The following NPEPL1 variants were observed in gnomAD, a reference collection of about 807,000 sequenced individuals.
NPEPL1 encodes the protein aminopeptidase like 1.
NPEPL1 carries 45 observed loss-of-function variants against 52.4 expected under a neutral mutation model. The ratio of observed to expected loss-of-function variants is 0.86; its 90% CI spans 0.68 to 1.10. The LOEUF (loss-of-function observed/expected upper bound fraction) is 1.10, where lower values mean the gene tolerates loss of function less well. Among genes scored for constraint, NPEPL1 ranks in the 50% least tolerant of loss-of-function variants. The pLI is 0.00. For synonymous variants in NPEPL1, 360 were observed against 314.7 expected, an observed-to-expected ratio of 1.14 and a Z score of -1.52; for missense variants, 696 against 710.9, an observed-to-expected ratio of 0.98 and a Z score of 0.24.
intron 7 of NPEPL1, among the ~76,000 whole-genome samples, chr20:58,709,239 C>T (rs554627097): frequency 5.3e-5 from 8 of 152,024 alleles, no homozygotes; most frequent in South Asian, 4.2e-4. Flanking sequence ...ACTGTGAACG[C>T]GAATGTCCTG....
chr20:58,690,375 T>G (rs1472624593), upstream of NPEPL1, among the ~76,000 whole-genome samples: 1 of 152,268 alleles, frequency 6.6e-6, no homozygotes, highest in African/African-American at 2.4e-5. Context: ...GAATTTTTCA[T>G]TGACAGTGAA....
chr20:58,707,052 TG>T (rs2084749194), intron 6 of NPEPL1, 70 bp from the exon 7 acceptor site: 4 of 1,257,906 alleles, frequency 3.2e-6, no homozygotes, highest in Non-Finnish European at 3.2e-6. Context: ...CGGGTGGGGG[TG>T]GGGGGCTTCC....
rs749052733 is a variant in NPEPL1, at chr20:58,713,804, C to A, written c.1126-113C>A. The A allele has an allele frequency of 4.9e-6, 6 of 1,236,404 alleles. No individual in the cohort carries two copies. In the South Asian group the frequency reaches 5.5e-5, roughly 11 times the overall value. The allele number at this position is 1,236,404 out of a possible 1,614,324, so 76.6% of individuals were successfully genotyped here. A position where few individuals can be genotyped will look rare whatever the true frequency, so the allele number is the denominator to read the frequency against. ...CTGTGTTTTTTCTTTTTTTCTCAAC[C>A]GTCTCTTTTCTGGCTCCCTTATTTC... is the stretch of plus-strand genomic sequence containing the variant. On this transcript the variant is annotated intron_variant, in intron 9 of 11. Coordinates refer to ENST00000356091, the MANE Select transcript of NPEPL1 (RefSeq NM_024663.4). The surrounding 1 kb of genome is among the most constrained non-coding windows in gnomAD (Gnocchi z 4.6).
Position 58,694,430 on chromosome 20 carries a change from C to T in NPEPL1, c.345C>T (p.Cys115=), listed in dbSNP as rs750615738. 1.1e-5 allele frequency: 18 copies of T among 1,608,474 alleles called. No individual in the cohort carries two copies. Among genetic ancestry groups the T allele is most frequent in the African/African-American group, 2.7e-5 (2 of 74,944 alleles). Reference sequence around the variant, plus strand: ...CTCCCTATGTGCCACAGATGGTCTGCGAGCAGCCGGAGGTCTTTGCTTCCG... The same window carrying T: ...CTCCCTATGTGCCACAGATGGTCTGTGAGCAGCCGGAGGTCTTTGCTTCCG... ...PGAHRCIVMV[C]EQPEVFASAC... is the part of the protein sequence containing the mutation. Residue 115 remains cysteine, a synonymous_variant, in exon 3 of 12, where the codon TGC becomes TGT. Transcript: ENST00000356091.
At chr20:58,706,250 G>T (rs895491608) in intron 6 of NPEPL1, among the ~76,000 whole-genome samples, 3 of 152,294 alleles carry the variant, frequency 2.0e-5, no homozygotes, top group Admixed American at 2.0e-4. Context: ...TAGCAGGAGG[G>T]CAGAGGTGGC....
At chr20:58,702,407 C>T (rs942340621) in intron 6 of NPEPL1, among the ~76,000 whole-genome samples, 2 of 152,208 alleles carry the variant, frequency 1.3e-5, no homozygotes, top group Non-Finnish European at 1.5e-5. Context: ...TGGTGCAGCT[C>T]GCCGCGCTCT....
intron 2 of NPEPL1, among the ~76,000 whole-genome samples, 188 bp from the exon 3 acceptor site, chr20:58,694,234 G>T (rs1453479757): frequency 6.6e-6 from 1 of 152,194 alleles, no homozygotes; most frequent in Non-Finnish European, 1.5e-5. Context: ...TTCTCTTGGA[G>T]CATGACCAAT....
In NPEPL1 at chr20:58,704,007, C is replaced by T. The variant is rs183976730; in HGVS notation, c.822+2849C>T. ...TTATTTTAAACCAGCCCATCTTCCC[C>T]GCTGCAGTTGGAACCGTTCTACGTG... On this transcript the variant is annotated intron_variant, in intron 6 of 11. Transcript: ENST00000356091. 2.7e-4 allele frequency: 262 copies of T among 985,356 alleles called. No homozygotes were observed. In the African/African-American group the frequency reaches 4.2e-3, roughly 16 times the overall value. The allele number at this position is 985,356 out of a possible 1,614,324, so 61.0% of individuals were successfully genotyped here.
chr20:58,691,364 CTTTTTTTTTTTTTTTTT>C (rs59929508), upstream of NPEPL1: 1,192 of 176,888 alleles, frequency 6.7e-3, 2 homozygotes, highest in East Asian at 7.5e-3. Context: ...CATTCAACAG[CTTTTTTTTTTTTTTTTT>C]TTTTTTTTTT....
At chr20:58,705,636 A>G in intron 6 of NPEPL1, 1 of 438,618 alleles carries the variant, frequency 2.3e-6, no homozygotes, top group Admixed American at 2.4e-5. Flanking sequence ...TTTCTTCTAT[A>G]AAAACAGAAA....
chr20:58,695,267 G>T (rs2084460116), intron 3 of NPEPL1, among the ~76,000 whole-genome samples: 1 of 101,900 alleles, frequency 9.8e-6, no homozygotes, highest in Non-Finnish European at 2.2e-5. Context: ...AGTGGTGTGT[G>T]TGTGTGTTGT....
chr20:58,701,208 G>A lies in NPEPL1; in HGVS notation c.822+50G>A, dbSNP rs988098729. The A allele has an allele frequency of 1.9e-5, 25 of 1,298,468 alleles. No homozygotes were observed. The African/African-American group carries it at 2.8e-4, about 15-fold the overall frequency. 80.4% of individuals were successfully genotyped at this position (1,298,468 alleles called of 1,614,324 possible). On this transcript the variant is annotated intron_variant, in intron 6 of 11. Transcript: ENST00000356091. ...GTGCCCTGGGGGAGGGGAGGGGAAG[G>A]TGAGGTGCAGGGCCCGGCTCTCCCG...
At chr20:58,703,974 C>G in intron 6 of NPEPL1, 1 of 985,400 alleles carries the variant, frequency 1.0e-6, no homozygotes. Flanking sequence ...GAAACAATAC[C>G]TGGTTTTTTA....
intron 6 of NPEPL1, among the ~76,000 whole-genome samples, chr20:58,706,199 GTTAACCAGGAGGTGTGAACTA>G (rs934621517): frequency 2.2e-4 from 33 of 152,278 alleles, no homozygotes; most frequent in Admixed American, 2.0e-4. Flanking sequence ...TTAGACCCAG[GTTAACCAGGAGGTGTGAACTA>G]TTAACCAGGA....
Position 58,693,754 on chromosome 20 carries a change from G to A in NPEPL1, c.168G>A (p.Leu56=). 1 of 1,608,940 alleles carries A rather than the reference G, an allele frequency of 6.2e-7. No homozygotes were observed. Among genetic ancestry groups the A allele is most frequent in the Non-Finnish European group, 8.5e-7 (1 of 1,176,120 alleles). ...RVTEELWQAA[L]STLNPNPTDS... is the part of the protein sequence containing the mutation. Reference sequence around the variant, plus strand: ...TGATCTAGCTCTGGCAGGCTGCCCTGAGCACGCTCAACCCCAACCCCACGG... The same window carrying A: ...TGATCTAGCTCTGGCAGGCTGCCCTAAGCACGCTCAACCCCAACCCCACGG... The change falls in exon 2 of 12, where the codon CTG becomes CTA. Residue 56 remains leucine (L), a synonymous_variant. Coordinates refer to ENST00000356091, the MANE Select transcript of NPEPL1 (RefSeq NM_024663.4).
Position 58,713,040 on chromosome 20 carries a change from G to T in NPEPL1, c.1002-380G>T. The T allele has an allele frequency of 2.9e-6, 1 of 349,772 alleles. No individual in the cohort carries two copies. The highest frequency in any genetic ancestry group is 5.5e-6 in the Non-Finnish European group (1 of 181,306). The allele number at this position is 349,772 out of a possible 1,614,324, so 21.7% of individuals were successfully genotyped here. A position where few individuals can be genotyped will look rare whatever the true frequency, so the allele number is the denominator to read the frequency against. On this transcript the variant is annotated intron_variant, in intron 8 of 11. Coordinates refer to ENST00000356091, the MANE Select transcript of NPEPL1 (RefSeq NM_024663.4). The surrounding 1 kb of genome is among the most constrained non-coding windows in gnomAD (Gnocchi z 4.6). The stretch of plus-strand genomic sequence containing the variant: ...CCTCTCCCCAGCCCCATGAGCTGGT[G>T]CCTGAGTGGGCGCCTCCCCGCATCT...
chr20:58,703,600 G>A, intron 6 of NPEPL1: 1 of 985,254 alleles, frequency 1.0e-6, no homozygotes, highest in Non-Finnish European at 1.2e-6. Context: ...GTGAGAAGAT[G>A]AGCTTCCTGG....
chr20:58,713,125 C>T lies in NPEPL1; in HGVS notation c.1002-295C>T, dbSNP rs1316399723. 2.2e-5 allele frequency: 9 copies of T among 402,388 alleles called. No homozygotes were observed. The highest frequency in any genetic ancestry group is 4.7e-5 in the East Asian group (1 of 21,336). The allele number at this position is 402,388 out of a possible 1,614,324, so 24.9% of individuals were successfully genotyped here. A position where few individuals can be genotyped will look rare whatever the true frequency, so the allele number is the denominator to read the frequency against. On this transcript the variant is annotated intron_variant, in intron 8 of 11. Transcript: ENST00000356091. The surrounding 1 kb of genome is among the most constrained non-coding windows in gnomAD (Gnocchi z 4.6). ...ACAGTGTGCTGAAGGCCAGCCCAGC[C>T]GGTTCATGCCACCCACTTTACAGAA...
In NPEPL1 at chr20:58,701,208, G is replaced by C. The variant is rs988098729; in HGVS notation, c.822+50G>C. 3 of 1,298,538 alleles carry C rather than the reference G, an allele frequency of 2.3e-6. No individual in the cohort carries two copies. The African/African-American group carries it at 4.9e-5, about 21-fold the overall frequency. 80.4% of individuals were successfully genotyped at this position (1,298,538 alleles called of 1,614,324 possible). A position where few individuals can be genotyped will look rare whatever the true frequency, so the allele number is the denominator to read the frequency against. On this transcript the variant is annotated intron_variant, in intron 6 of 11. Coordinates refer to ENST00000356091, the MANE Select transcript of NPEPL1 (RefSeq NM_024663.4). The stretch of plus-strand genomic sequence containing the variant: ...GTGCCCTGGGGGAGGGGAGGGGAAG[G>C]TGAGGTGCAGGGCCCGGCTCTCCCG...
Sources: gnomAD v4.1 joint callset for allele counts (sites outside exome capture counted in the v4.1 genomes callset) on GRCh38, gnomAD v4.1.1 for gene constraint, Gnocchi (gnomAD v3.1) non-coding constraint, MANE v1.5 for transcripts, NCBI Gene and HGNC (gene_info 2026-07-23, HGNC 2026-07-21) for gene names.